The following RAB23 variants were observed in gnomAD, a reference collection of about 807,000 sequenced individuals.
RAB23 encodes the protein RAB23, member RAS oncogene family, also known as ras-related protein Rab-23.
A neutral mutation model predicts 30.0 loss-of-function variants in RAB23; 15 were observed. That is an observed-to-expected ratio of 0.50 (90% CI 0.33 to 0.77). The LOEUF (loss-of-function observed/expected upper bound fraction) is 0.77, where lower values mean the gene tolerates loss of function less well. RAB23 is among the 30% of genes least tolerant of loss of function. The pLI is 0.02. For synonymous variants in RAB23, 93 were observed against 94.0 expected, an observed-to-expected ratio of 0.99 and a Z score of 0.06; for missense variants, 243 against 275.4, an observed-to-expected ratio of 0.88 and a Z score of 0.83.
intron 2 of RAB23, among the ~76,000 whole-genome samples, chr6:57,209,559 A>C (rs1363400936): frequency 6.6e-6 from 1 of 152,228 alleles, no homozygotes; most frequent in Non-Finnish European, 1.5e-5. Flanking sequence ...TGGGCCAGTA[A>C]CCAGGTTTGT....
At chr6:57,201,177 G>A (rs566627509) in intron 3 of RAB23, among the ~76,000 whole-genome samples, 13 of 150,930 alleles carry the variant, frequency 8.6e-5, no homozygotes, top group East Asian at 2.0e-4. Flanking sequence ...TCTGCCTCCC[G>A]GATTCAAGCA....
At chr6:57,215,349 A>T (rs1177515589) in intron 1 of RAB23, among the ~76,000 whole-genome samples, 1 of 152,246 alleles carries the variant, frequency 6.6e-6, no homozygotes, top group Non-Finnish European at 1.5e-5. Context: ...CAAAATCTAG[A>T]CCTAAACAAA....
In RAB23 at chr6:57,191,124, G is replaced by A. The variant is rs978007953; in HGVS notation, c.575-524C>T. ...TTGCTTATCCTTTCATACATCAATGGACACAGATTTATGATTTTAAAGCTC... is the reference window on the plus strand; with the variant it reads ...TTGCTTATCCTTTCATACATCAATGAACACAGATTTATGATTTTAAAGCTC... On this transcript the variant is annotated intron_variant, in intron 6 of 6. Coordinates refer to ENST00000468148, the MANE Select transcript of RAB23 (RefSeq NM_016277.5). 2.0e-5 allele frequency among the ~76,000 whole-genome samples: 3 copies of A among 151,986 alleles called. No individual in the cohort carries two copies. The South Asian group carries it at 6.2e-4, about 32-fold the overall frequency.
chr6:57,215,751 AC>A (rs1765812101), intron 1 of RAB23, among the ~76,000 whole-genome samples: 1 of 152,198 alleles, frequency 6.6e-6, no homozygotes, highest in Non-Finnish European at 1.5e-5. Context: ...AATACAACAG[AC>A]TTCCCTTCTC....
intron 3 of RAB23, among the ~76,000 whole-genome samples, chr6:57,200,536 CAAAAAAAAAAAAA>C (rs989178921): frequency 2.3e-5 from 1 of 42,648 alleles, no homozygotes; most frequent in Non-Finnish European, 4.9e-5. Flanking sequence ...GACTCTGTCT[CAAAAAAAAAAAAA>C]AAAAAAAAAG....
At chr6:57,197,917 T>G (rs1206003515) in intron 3 of RAB23, among the ~76,000 whole-genome samples, 1 of 152,000 alleles carries the variant, frequency 6.6e-6, no homozygotes, top group Non-Finnish European at 1.5e-5. Flanking sequence ...TAATTCTTTG[T>G]TTTTTTGTTT....
intron 1 of RAB23, among the ~76,000 whole-genome samples, chr6:57,218,232 C>A (rs1412064882): frequency 6.6e-6 from 1 of 152,194 alleles, no homozygotes; most frequent in Non-Finnish European, 1.5e-5. Flanking sequence ...CCAGCATTAT[C>A]TTGATACCAC....
In RAB23 at chr6:57,190,174, A is replaced by G; in HGVS notation, c.*287T>C. ...TTTCATTTATGTTTTCCAGCATTTA[A>G]AATTCCGCAAAACCTGTGTTTGAAA... On this transcript the variant is annotated 3_prime_UTR_variant, in exon 7 of 7. Transcript: ENST00000468148. 1 of 355,326 alleles carries G rather than the reference A, an allele frequency of 2.8e-6. No homozygotes were observed. The highest frequency in any genetic ancestry group is 3.3e-5 in the South Asian group (1 of 30,636). 22.0% of individuals were successfully genotyped at this position (355,326 alleles called of 1,614,324 possible). A position where few individuals can be genotyped will look rare whatever the true frequency, so the allele number is the denominator to read the frequency against.
chr6:57,191,845 G>T (rs370112213), intron 6 of RAB23, among the ~76,000 whole-genome samples: 5 of 150,776 alleles, frequency 3.3e-5, no homozygotes, highest in African/African-American at 9.7e-5. Context: ...TTTCTGAGTT[G>T]TGTGTGTGTG....
At chr6:57,192,765 C>G (rs968437709) in intron 6 of RAB23, among the ~76,000 whole-genome samples, 1 of 152,052 alleles carries the variant, frequency 6.6e-6, no homozygotes, top group African/African-American at 2.4e-5. Context: ...TGTCTTCAGG[C>G]AGGCAGATAC....
At chr6:57,202,945 C>A (rs1406162124) in intron 3 of RAB23, among the ~76,000 whole-genome samples, 3 of 151,554 alleles carry the variant, frequency 2.0e-5, no homozygotes, top group African/African-American at 7.3e-5. Context: ...CAGTATCTCA[C>A]CCTCTTTGCC....
rs776568307 is a variant in RAB23, at chr6:57,190,414, T to C, written c.*47A>G. On this transcript the variant is annotated 3_prime_UTR_variant, in exon 7 of 7. Transcript: ENST00000468148. ...ATACCATGACAGCTGGATGGGTTTC[T>C]TAATGCATTGCACAATGTAATTCAA... 1.2e-6 allele frequency: 2 copies of C among 1,605,530 alleles called. No individual in the cohort carries two copies.
At position 57,188,573 on chromosome 6, in the gene RAB23, A is replaced by AAGAGG. The variant is rs1764704312; in HGVS notation, c.*1883_*1887dup. 1 of 150,952 alleles carries AAGAGG rather than the reference A, an allele frequency of 6.6e-6. No individual in the cohort carries two copies. The highest frequency in any genetic ancestry group is 2.5e-5 in the African/African-American group (1 of 40,304). The allele number at this position is 150,952 out of a possible 1,614,324, so 9.4% of individuals were successfully genotyped here. On this transcript the variant is annotated 3_prime_UTR_variant, in exon 7 of 7. Coordinates refer to ENST00000468148, the MANE Select transcript of RAB23 (RefSeq NM_016277.5). ...AAAGTATTATTTTGTGCAAAAATTA[A>AAGAGG]AGAGGAGAGTAGAGAGTAGAAAATT...
chr6:57,190,008 T>A lies in RAB23; in HGVS notation c.*453A>T, dbSNP rs1350938021. On this transcript the variant is annotated 3_prime_UTR_variant, in exon 7 of 7. Transcript: ENST00000468148. The stretch of plus-strand genomic sequence containing the variant: ...AATGCAGTCTGGCAAGATTTAGGGT[T>A]TACCTTTCAGTATTATTTTGTGAAA... 89 of 207,866 alleles carry A rather than the reference T, an allele frequency of 4.3e-4. No individual in the cohort carries two copies. Among genetic ancestry groups the A allele is most frequent in the African/African-American group, 2.0e-3 (86 of 42,428 alleles). 12.9% of individuals were successfully genotyped at this position (207,866 alleles called of 1,614,324 possible).
intron 3 of RAB23, 133 bp from the exon 4 acceptor site, chr6:57,196,739 T>A: frequency 9.5e-7 from 1 of 1,051,880 alleles, no homozygotes; most frequent in Non-Finnish European, 1.4e-6. Flanking sequence ...TGTAAATAAA[T>A]GTTGAACTCA....
At chr6:57,207,261 G>A (rs139884179) in intron 3 of RAB23, among the ~76,000 whole-genome samples, 11 of 152,214 alleles carry the variant, frequency 7.2e-5, no homozygotes, top group East Asian at 1.9e-4. Flanking sequence ...TTCATGTGTC[G>A]TAACAAATGC....
intron 3 of RAB23, among the ~76,000 whole-genome samples, chr6:57,197,843 A>G (rs1291261823): frequency 2.6e-5 from 4 of 152,304 alleles, no homozygotes; most frequent in Admixed American, 1.3e-4. Context: ...GACTCAATCA[A>G]TCCTCCCACC....
chr6:57,218,541 C>T (rs1246192955), intron 1 of RAB23, among the ~76,000 whole-genome samples: 3 of 152,084 alleles, frequency 2.0e-5, no homozygotes, highest in Admixed American at 6.6e-5. Context: ...TAGAATGGGA[C>T]TTCTTCAACC....
At position 57,190,348 on chromosome 6, in the gene RAB23, A is replaced by G; in HGVS notation, c.*113T>C. 1 of 1,258,326 alleles carries G rather than the reference A, an allele frequency of 7.9e-7. No individual in the cohort carries two copies. Among genetic ancestry groups the G allele is most frequent in the African/African-American group, 1.5e-5 (1 of 67,778 alleles). The allele number at this position is 1,258,326 out of a possible 1,614,324, so 77.9% of individuals were successfully genotyped here. On this transcript the variant is annotated 3_prime_UTR_variant, in exon 7 of 7. Transcript: ENST00000468148. ...AGCAATATTTAAGTCTGTCACTTTC[A>G]GAGAGCCATTAGGAGCAAAGTCTGC... is the stretch of plus-strand genomic sequence containing the variant.
Sources: gnomAD v4.1 joint callset for allele counts (sites outside exome capture counted in the v4.1 genomes callset) on GRCh38, gnomAD v4.1.1 for gene constraint, MANE v1.5 for transcripts, NCBI Gene and HGNC (gene_info 2026-07-23, HGNC 2026-07-21) for gene names.